The following GALNT18 variants were observed in gnomAD, a reference collection of about 807,000 sequenced individuals.
The protein encoded by GALNT18 is GalNAc-transferase 18.
A neutral mutation model predicts 69.5 loss-of-function variants in GALNT18; 44 were observed. The observed-to-expected ratio is 0.63, with a 90% CI of 0.50 to 0.81. The LOEUF (loss-of-function observed/expected upper bound fraction) is 0.81. Among genes scored for constraint, GALNT18 ranks in the 40% least tolerant of loss-of-function variants. The pLI is 0.00. For missense variants in GALNT18, 715 were observed against 810.0 expected (o/e 0.88, Z 1.42); for synonymous variants, 364 against 318.2 (o/e 1.14, Z -1.53).
At position 11,568,657 on chromosome 11, in the gene GALNT18, C is replaced by T. The variant is rs555485476; in HGVS notation, c.235+52702G>A. On this transcript the variant is annotated intron_variant, in intron 1 of 10. Transcript: ENST00000227756. The stretch of plus-strand genomic sequence containing the variant: ...AGAGAGCAAGATGTACAGGAGAGGG[C>T]ACTGGACTAGGAGTCTGGAGTTCTG... 5.3e-5 allele frequency among the ~76,000 whole-genome samples: 8 copies of T among 152,236 alleles called. No individual in the cohort carries two copies. The South Asian group carries it at 1.7e-3, about 32-fold the overall frequency.
Position 11,332,225 on chromosome 11 carries a change from T to C in GALNT18, c.1416+469A>G, listed in dbSNP as rs1304532455. Among the ~76,000 whole-genome samples the C allele has an allele frequency of 2.0e-5, 3 of 152,036 alleles. No homozygotes were observed. Among genetic ancestry groups the C allele is most frequent in the Non-Finnish European group, 2.9e-5 (2 of 68,000 alleles). ...GCCCATCAACAAGCAGTACTAAAAA[T>C]ACAGCAAATAAAATAAATTCAAGAT... On this transcript the variant is annotated intron_variant, in intron 8 of 10. Transcript: ENST00000227756. This position sits in a 1 kb window ranked among gnomAD's most constrained non-coding sequence, Gnocchi z 4.3.
rs1049037638 is a variant in GALNT18, at chr11:11,583,318, T to C, written c.235+38041A>G. Among the ~76,000 whole-genome samples the C allele has an allele frequency of 2.6e-5, 4 of 152,304 alleles. No individual in the cohort carries two copies. In the South Asian group the frequency reaches 8.3e-4, roughly 32 times the overall value. On this transcript the variant is annotated intron_variant, in intron 1 of 10. Transcript: ENST00000227756. This position sits in a 1 kb window ranked among gnomAD's most constrained non-coding sequence, Gnocchi z 4.7. The stretch of plus-strand genomic sequence containing the variant: ...CTAGCCCTCTGTGTGCACACTTATA[T>C]CTCATAATGGATGGTGACCTATCAG...
intron 1 of GALNT18, among the ~76,000 whole-genome samples, chr11:11,531,958 T>G (rs1442253361): frequency 2.0e-5 from 3 of 152,238 alleles, no homozygotes; most frequent in Non-Finnish European, 4.4e-5. Context: ...CACCGCAGTC[T>G]CTACACACCT....
At chr11:11,473,618 G>A (rs182721718) in intron 1 of GALNT18, among the ~76,000 whole-genome samples, 28 of 152,342 alleles carry the variant, frequency 1.8e-4, no homozygotes, top group African/African-American at 6.3e-4. Context: ...AGGTAGGCTT[G>A]AGGGCAGCAG....
chr11:11,538,203 C>T lies in GALNT18; in HGVS notation c.235+83156G>A, dbSNP rs1176659564. The stretch of plus-strand genomic sequence containing the variant: ...GCAAGCAGCAGAGACAGAATTCAAA[C>T]CCAATCTGACACCTTGACCTTTCTG... On this transcript the variant is annotated intron_variant, in intron 1 of 10. Coordinates refer to ENST00000227756, the MANE Select transcript of GALNT18 (RefSeq NM_198516.3). This position sits in a 1 kb window ranked among gnomAD's most constrained non-coding sequence, Gnocchi z 5.2. 6.6e-6 allele frequency among the ~76,000 whole-genome samples: 1 copy of T among 152,124 alleles called. No individual in the cohort carries two copies. Among genetic ancestry groups the T allele is most frequent in the Non-Finnish European group, 1.5e-5 (1 of 68,028 alleles).
At position 11,347,669 on chromosome 11, in the gene GALNT18, C is replaced by A. The variant is rs1850327155; in HGVS notation, c.1093-6665G>T. ...AACTGTTCCCACTGTTCTCTTAGCC[C>A]AGAAAGCCTCCTTCCTGCTCTCCAC... On this transcript the variant is annotated intron_variant, in intron 6 of 10. Transcript: ENST00000227756. This position sits in a 1 kb window ranked among gnomAD's most constrained non-coding sequence, Gnocchi z 4.0. Among the ~76,000 whole-genome samples, 1 of 152,194 alleles carries A rather than the reference C, an allele frequency of 6.6e-6. No homozygotes were observed. The highest frequency in any genetic ancestry group is 2.4e-5 in the African/African-American group (1 of 41,430).
chr11:11,360,665 G>C (rs1850625605), intron 6 of GALNT18, among the ~76,000 whole-genome samples: 1 of 151,706 alleles, frequency 6.6e-6, no homozygotes, highest in Non-Finnish European at 1.5e-5. Context: ...GTTTTTCTTG[G>C]TGGTAATGAT....
In GALNT18 at chr11:11,432,622, G is replaced by A. The variant is rs776047634; in HGVS notation, c.594C>T (p.Asn198=). 8.7e-6 allele frequency: 14 copies of A among 1,604,740 alleles called. No individual in the cohort carries two copies. Among genetic ancestry groups the A allele is most frequent in the African/African-American group, 4.0e-5 (3 of 74,774 alleles). ...EIILVDDNSS[N]EELKEKLTEY... ...GCCCTGGGAAGCTCCGACACTCACC[G>A]TTACTGCTGTTGTCATCCACCAGAA... Residue 198 remains asparagine, a splice_region_variant and synonymous_variant, in exon 3 of 11, where the codon AAC becomes AAT. Coordinates refer to ENST00000227756, the MANE Select transcript of GALNT18 (RefSeq NM_198516.3). The surrounding 1 kb of genome is among the most constrained non-coding windows in gnomAD (Gnocchi z 5.8).
chr11:11,307,746 G>C (rs1020595263), intron 9 of GALNT18, among the ~76,000 whole-genome samples: 2 of 88,954 alleles, frequency 2.2e-5, no homozygotes, highest in Non-Finnish European at 4.9e-5. Context: ...AGGCATCCTT[G>C]ACCCCCCCAA....
intron 1 of GALNT18, among the ~76,000 whole-genome samples, chr11:11,539,572 C>T (rs115957349): frequency 1.2e-4 from 19 of 152,298 alleles, no homozygotes; most frequent in African/African-American, 4.6e-4. Context: ...CCAGAGACCC[C>T]ACTGTGAACA....
intron 1 of GALNT18, among the ~76,000 whole-genome samples, chr11:11,556,319 A>C (rs1043369467): frequency 6.6e-6 from 1 of 152,134 alleles, no homozygotes; most frequent in African/African-American, 2.4e-5. Flanking sequence ...TATAGAACAC[A>C]CCCTTTGCCC....
In GALNT18 at chr11:11,279,514, G is replaced by A. The variant is rs150087528; in HGVS notation, c.1678-8224C>T. On this transcript the variant is annotated intron_variant, in intron 10 of 10. Coordinates refer to ENST00000227756, the MANE Select transcript of GALNT18 (RefSeq NM_198516.3). The stretch of plus-strand genomic sequence containing the variant: ...AAACTAACCTGGAGATAACTCAAAC[G>A]TCCATCAATAGTACAGCAGACATAT... Among the ~76,000 whole-genome samples the A allele has an allele frequency of 1.4e-3, 216 of 152,170 alleles. 2 individuals carry two copies. Among genetic ancestry groups the A allele is most frequent in the Middle Eastern group, 0.01 (3 of 294 alleles).
intron 10 of GALNT18, among the ~76,000 whole-genome samples, chr11:11,276,562 A>G (rs1848952281): frequency 6.6e-6 from 1 of 152,116 alleles, no homozygotes; most frequent in African/African-American, 2.4e-5. Flanking sequence ...AGAACTTCCC[A>G]TACTATGTTG....
intron 5 of GALNT18, among the ~76,000 whole-genome samples, chr11:11,375,694 G>A (rs1307164314): frequency 1.3e-5 from 2 of 152,150 alleles, no homozygotes; most frequent in East Asian, 1.9e-4. Flanking sequence ...AGACATGAGC[G>A]GTCAACAGGT....
At chr11:11,531,780 C>T (rs1284345218) in intron 1 of GALNT18, among the ~76,000 whole-genome samples, 1 of 152,230 alleles carries the variant, frequency 6.6e-6, no homozygotes, top group Non-Finnish European at 1.5e-5. Context: ...CTCTGGGTCT[C>T]TCACCCTCTC....
intron 1 of GALNT18, among the ~76,000 whole-genome samples, chr11:11,522,618 A>G (rs758684738): frequency 9.9e-5 from 15 of 152,192 alleles, no homozygotes; most frequent in Non-Finnish European, 1.9e-4. Context: ...CCACTGCAGA[A>G]GAGCTCAAAG....
At chr11:11,577,658 G>A (rs918482555) in intron 1 of GALNT18, among the ~76,000 whole-genome samples, 3 of 152,184 alleles carry the variant, frequency 2.0e-5, no homozygotes, top group Non-Finnish European at 2.9e-5. Context: ...ACCCCAAATC[G>A]ATTCAGAAGG....
At chr11:11,443,415 A>G (rs1855575347) in intron 2 of GALNT18, among the ~76,000 whole-genome samples, 1 of 152,156 alleles carries the variant, frequency 6.6e-6, no homozygotes, top group Non-Finnish European at 1.5e-5. Flanking sequence ...ACAGAGCTTC[A>G]GTGTATAGTT....
At position 11,424,035 on chromosome 11, in the gene GALNT18, C is replaced by T. The variant is rs147332783; in HGVS notation, c.595+8586G>A. Among the ~76,000 whole-genome samples the T allele has an allele frequency of 1.4e-3, 215 of 152,308 alleles. 3 individuals are homozygous for T. The highest frequency in any genetic ancestry group is 4.7e-3 in the African/African-American group (196 of 41,566). ...GAGAAGTGGGGGTCAAACTCCAGCC[C>T]GGGCCAGTGGCAGCTAGCTGAGTGG... On this transcript the variant is annotated intron_variant, in intron 3 of 10. Coordinates refer to ENST00000227756, the MANE Select transcript of GALNT18 (RefSeq NM_198516.3).
Sources: allele counts gnomAD v4.1 joint callset (sites outside exome capture counted in the v4.1 genomes callset), GRCh38; gene constraint gnomAD v4.1.1; non-coding constraint Gnocchi (gnomAD v3.1); transcripts MANE v1.5; gene names NCBI Gene and HGNC (gene_info 2026-07-23, HGNC 2026-07-21).